GUCY1A2: variants seen among roughly 807,000 people sequenced by gnomAD.
GUCY1A2 encodes guanylate cyclase soluble subunit alpha-2.
Under a neutral mutation model 63.5 loss-of-function variants are expected in GUCY1A2, and 27 were observed. The ratio of observed to expected loss-of-function variants is 0.43; its 90% CI spans 0.31 to 0.59. The LOEUF (loss-of-function observed/expected upper bound fraction) is 0.59. Ranked by LOEUF, GUCY1A2 falls within the 20% of genes least tolerant of loss-of-function variation. GUCY1A2 has a pLI of 0.11. For missense variants in GUCY1A2, 768 were observed against 913.3 expected, an observed-to-expected ratio of 0.84 and a Z score of 2.05; for synonymous variants, 364 against 343.5, an observed-to-expected ratio of 1.06 and a Z score of -0.66.
intron 4 of GUCY1A2, among the ~76,000 whole-genome samples, chr11:106,889,774 G>C (rs1247962826): frequency 2.0e-5 from 3 of 152,110 alleles, no homozygotes; most frequent in Non-Finnish European, 4.4e-5. Context: ...CTGCCAAAAA[G>C]GTGTCTAAAG....
At chr11:106,805,081 G>A (rs190945398) in intron 5 of GUCY1A2, among the ~76,000 whole-genome samples, 1 of 151,990 alleles carries the variant, frequency 6.6e-6, no homozygotes, top group Non-Finnish European at 1.5e-5. Context: ...TAGAATTTGG[G>A]TCCTGGTATT....
At chr11:106,854,294 C>G (rs1378044088) in intron 4 of GUCY1A2, among the ~76,000 whole-genome samples, 3 of 152,122 alleles carry the variant, frequency 2.0e-5, no homozygotes, top group African/African-American at 7.2e-5. Flanking sequence ...GCTGGGCAGA[C>G]CAGTCCCTAG....
intron 3 of GUCY1A2, among the ~76,000 whole-genome samples, chr11:106,972,757 G>C (rs1429055005): frequency 6.6e-6 from 1 of 151,966 alleles, no homozygotes; most frequent in East Asian, 1.9e-4. Context: ...AAAGAATCAA[G>C]GTATCCTTCA....
At chr11:106,816,275 G>A (rs2135427632) in intron 4 of GUCY1A2, among the ~76,000 whole-genome samples, 1 of 148,760 alleles carries the variant, frequency 6.7e-6, no homozygotes, top group South Asian at 2.1e-4. Context: ...AAATTGTACA[G>A]AGTATGTTAA....
At chr11:106,926,307 GCACACCTGTAGTCC>G (rs1384411871) in intron 4 of GUCY1A2, among the ~76,000 whole-genome samples, 1 of 151,902 alleles carries the variant, frequency 6.6e-6, no homozygotes, top group African/African-American at 2.4e-5. Flanking sequence ...GCCTAGGGGT[GCACACCTGTAGTCC>G]CAGCTACCCG....
At chr11:106,880,285 C>G (rs79577392) in intron 4 of GUCY1A2, among the ~76,000 whole-genome samples, 2,280 of 152,124 alleles carry the variant, frequency 0.015, 57 homozygotes, top group African/African-American at 0.052. Context: ...CTGTGGAATG[C>G]AAGCCCATAC....
chr11:106,872,161 A>G (rs1859688033), intron 4 of GUCY1A2, among the ~76,000 whole-genome samples: 1 of 152,214 alleles, frequency 6.6e-6, no homozygotes, highest in Non-Finnish European at 1.5e-5. Flanking sequence ...CTATAATTAA[A>G]TTGAACAAGA....
rs773251118 is a variant in GUCY1A2 at position 106,725,152 on chromosome 11, CTTTTTTTTTTTTTTTTTTTTTTTT to C, written c.1837-16510_1837-16487del. On this transcript the variant is annotated intron_variant, in intron 6 of 7. Coordinates refer to ENST00000526355, the MANE Select transcript of GUCY1A2 (RefSeq NM_000855.3). The stretch of plus-strand genomic sequence containing the variant: ...ATGTATCTTCTTATTGACATAAATT[CTTTTTTTTTTTTTTTTTTTTTTTT>C]TTTTTTTTTTTTTTGAGACGGAGTC... Among the ~76,000 whole-genome samples, 2 of 22,998 alleles carry C rather than the reference CTTTTTTTTTTTTTTTTTTTTTTTT, an allele frequency of 8.7e-5. 1 individual carries two copies. The highest frequency in any genetic ancestry group is 3.5e-4 in the African/African-American group (2 of 5,692). 15.1% of individuals were successfully genotyped at this position (22,998 alleles called of 152,430 possible).
At chr11:106,936,640 T>C (rs2119964194) in intron 4 of GUCY1A2, 1 of 1,503,616 alleles carries the variant, frequency 6.7e-7, no homozygotes, top group South Asian at 1.2e-5. Context: ...TGGAAGAGTT[T>C]TTTTCTAACC....
chr11:106,764,158 T>C (rs568876414), intron 6 of GUCY1A2, among the ~76,000 whole-genome samples: 2 of 152,258 alleles, frequency 1.3e-5, no homozygotes, highest in African/African-American at 4.8e-5. Context: ...GTCGACATAA[T>C]TGTCCTCATT....
rs1565255850 is a variant in GUCY1A2, at chr11:106,682,115, T to G, written c.*5434A>C. Reference sequence around the variant, plus strand: ...TATAGTGAGCAATATTCATCCCTCATGCTTATCAGTGTTGACGTCTGTCTC... The same window carrying G: ...TATAGTGAGCAATATTCATCCCTCAGGCTTATCAGTGTTGACGTCTGTCTC... On this transcript the variant is annotated 3_prime_UTR_variant, in exon 8 of 8. Coordinates refer to ENST00000526355, the MANE Select transcript of GUCY1A2 (RefSeq NM_000855.3). 4.8e-6 allele frequency: 1 copy of G among 208,866 alleles called. No individual in the cohort carries two copies. The highest frequency in any genetic ancestry group is 6.2e-5 in the Admixed American group (1 of 16,222). 12.9% of individuals were successfully genotyped at this position (208,866 alleles called of 1,614,324 possible). A position where few individuals can be genotyped will look rare whatever the true frequency, so the allele number is the denominator to read the frequency against.
chr11:106,892,952 T>C (rs1312692436), intron 4 of GUCY1A2, among the ~76,000 whole-genome samples: 2 of 152,198 alleles, frequency 1.3e-5, no homozygotes, highest in Admixed American at 1.3e-4. Context: ...GTCCATTAAA[T>C]GTGTTTAGAG....
intron 6 of GUCY1A2, among the ~76,000 whole-genome samples, chr11:106,740,006 T>C (rs367829736): frequency 6.7e-6 from 1 of 150,282 alleles, no homozygotes; most frequent in African/African-American, 2.5e-5. Context: ...ACTTTTTTTT[T>C]TTTTTTTTTT....
chr11:106,880,942 T>A (rs1859814713), intron 4 of GUCY1A2, among the ~76,000 whole-genome samples: 3 of 152,102 alleles, frequency 2.0e-5, no homozygotes, highest in Non-Finnish European at 4.4e-5. Context: ...GCTCTGAAAT[T>A]TGAGTTTTAG....
chr11:107,010,669 A>G (rs982220157), intron 1 of GUCY1A2, among the ~76,000 whole-genome samples: 4 of 152,186 alleles, frequency 2.6e-5, no homozygotes, highest in African/African-American at 7.2e-5. Flanking sequence ...AATTAAACAC[A>G]AAAGAAACAT....
intron 4 of GUCY1A2, chr11:106,827,429 C>A: frequency 6.8e-7 from 1 of 1,466,088 alleles, no homozygotes; most frequent in Non-Finnish European, 9.6e-7. Flanking sequence ...GCGATACCAC[C>A]GTTCCCTAAG....
At chr11:106,832,293 A>G (rs1387963657) in intron 4 of GUCY1A2, among the ~76,000 whole-genome samples, 1 of 152,198 alleles carries the variant, frequency 6.6e-6, no homozygotes, top group Non-Finnish European at 1.5e-5. Context: ...CAAGCAGTGT[A>G]TAAATTAATA....
intron 7 of GUCY1A2, among the ~76,000 whole-genome samples, chr11:106,704,223 G>A (rs34400078): frequency 0.018 from 2,761 of 152,288 alleles, 58 homozygotes; most frequent in Non-Finnish European, 0.027. Context: ...GAAGGAATAA[G>A]ATGGTTTCTT....
chr11:106,745,317 ACT>A lies in GUCY1A2; in HGVS notation c.1836+31120_1836+31121del, dbSNP rs747043093. 7.2e-5 allele frequency among the ~76,000 whole-genome samples: 11 copies of A among 152,126 alleles called. No individual in the cohort carries two copies. The East Asian group carries it at 1.3e-3, about 19-fold the overall frequency. ...TGTGTGAATGGACACACACCCACACACTCTCTTTCTCTCTTAAAAAATAAATG... is the reference window on the plus strand; with the variant it reads ...TGTGTGAATGGACACACACCCACACACTCTTTCTCTCTTAAAAAATAAATG... On this transcript the variant is annotated intron_variant, in intron 6 of 7. Coordinates refer to ENST00000526355, the MANE Select transcript of GUCY1A2 (RefSeq NM_000855.3).
Sources: allele counts gnomAD v4.1 joint callset (sites outside exome capture counted in the v4.1 genomes callset), GRCh38; gene constraint gnomAD v4.1.1; transcripts MANE v1.5; gene names NCBI Gene and HGNC (gene_info 2026-07-23, HGNC 2026-07-21).